KLHL10: variants seen among roughly 807,000 people sequenced by gnomAD.
The protein encoded by KLHL10 is kelch like family member 10, also known as kelch-like protein 10.
KLHL10 carries 11 observed loss-of-function variants against 46.6 expected under a neutral mutation model. That is an observed-to-expected ratio of 0.24 (90% CI 0.15 to 0.39). The LOEUF is 0.39. KLHL10 is among the 10% of genes least tolerant of loss of function. KLHL10 has a pLI of 1.00. For missense variants in KLHL10, 475 were observed against 789.8 expected, an observed-to-expected ratio of 0.60 and a Z score of 4.78; for synonymous variants, 254 against 279.1, an observed-to-expected ratio of 0.91 and a Z score of 0.90.
rs1356530048 is a variant in KLHL10 at position 41,838,136 on chromosome 17, G to C, written c.194+10G>C. 7.4e-6 allele frequency: 12 copies of C among 1,612,712 alleles called. No individual in the cohort carries two copies. The highest frequency in any genetic ancestry group is 9.3e-6 in the Non-Finnish European group (11 of 1,178,890). ...GCAGTTCCTACTTTAGGTATAACAGGGTTGCCAAATTCAGCCAAAGGGGTA... is the reference window on the plus strand; with the variant it reads ...GCAGTTCCTACTTTAGGTATAACAGCGTTGCCAAATTCAGCCAAAGGGGTA... On this transcript the variant is annotated intron_variant, in intron 1 of 4. Coordinates refer to ENST00000293303, the MANE Select transcript of KLHL10 (RefSeq NM_152467.5).
At chr17:41,840,156 A>AG (rs1322988362) in intron 1 of KLHL10, among the ~76,000 whole-genome samples, 2 of 152,192 alleles carry the variant, frequency 1.3e-5, no homozygotes, top group African/African-American at 4.8e-5. Flanking sequence ...CCAAATAGTA[A>AG]TTGTTTTAGG....
intron 3 of KLHL10, 73 bp from the exon 4 acceptor site, chr17:41,847,188 A>G: frequency 7.3e-7 from 1 of 1,367,530 alleles, no homozygotes; most frequent in South Asian, 1.2e-5. Context: ...AGTGCCCACT[A>G]CCACCACACA....
intron 4 of KLHL10, among the ~76,000 whole-genome samples, 177 bp from the exon 5 acceptor site, chr17:41,847,756 C>T (rs187815159): frequency 2.0e-5 from 3 of 152,338 alleles, no homozygotes; most frequent in East Asian, 3.9e-4. Context: ...CCACCCGCCT[C>T]GGCCTCCCAG....
upstream of KLHL10, chr17:41,836,111 T>TG: frequency 3.0e-6 from 4 of 1,332,276 alleles, no homozygotes; most frequent in Non-Finnish European, 3.8e-6. Context: ...GGTGACCAGC[T>TG]GGGGGGCTCG....
In KLHL10 at chr17:41,845,436, A is replaced by T; in HGVS notation, c.995A>T (p.His332Leu). Reference sequence around the variant, plus strand: ...GAGGAAGAGAGTCCCCGTGCCTACCATGGGGCAGCCTATTTGAAAGGCTAT... The same window carrying T: ...GAGGAAGAGAGTCCCCGTGCCTACCTTGGGGCAGCCTATTTGAAAGGCTAT... The part of the protein sequence containing the change: ...TCEEESPRAY[H>L]GAAYLKGYVY... Residue 332 changes from histidine (H) to leucine (L), a missense_variant, in exon 3 of 5, where the codon CAT (histidine) becomes CTT (leucine). By Grantham distance (99) the His-to-Leu change is moderately conservative. Transcript: ENST00000293303. 1.2e-6 allele frequency: 2 copies of T among 1,614,182 alleles called. No individual in the cohort carries two copies. The highest frequency in any genetic ancestry group is 1.7e-6 in the Non-Finnish European group (2 of 1,180,044).
Position 41,842,193 on chromosome 17 carries a change from A to G in KLHL10, c.565A>G (p.Ile189Val), listed in dbSNP as rs541818300. Reference sequence around the variant, plus strand: ...GCTCTCGGTCACTGAACTTAAGGATATCATTGAGAAAGATGAGCTCAATGT... The same window carrying G: ...GCTCTCGGTCACTGAACTTAAGGATGTCATTGAGAAAGATGAGCTCAATGT... ...LELSVTELKD[I>V]IEKDELNVKQ... Residue 189 changes from isoleucine to valine, a missense_variant, in exon 2 of 5, where the codon ATC (isoleucine) becomes GTC (valine). Transcript: ENST00000293303. The G allele has an allele frequency of 1.2e-5, 19 of 1,614,208 alleles. No homozygotes were observed. In the East Asian group the frequency reaches 3.6e-4, roughly 30 times the overall value.
chr17:41,847,987 G>A lies in KLHL10; in HGVS notation c.1507G>A (p.Val503Met), dbSNP rs2048307491. 4 of 1,614,104 alleles carry A rather than the reference G, an allele frequency of 2.5e-6. No homozygotes were observed. Among genetic ancestry groups the A allele is most frequent in the Non-Finnish European group, 3.4e-6 (4 of 1,180,050 alleles). ...RLRSAEAYSPVANTWRTIPTM... is the reference protein window; with the variant it reads ...RLRSAEAYSPMANTWRTIPTM... Reference sequence around the variant, plus strand: ...TAGGAGTGCCGAAGCCTACAGCCCTGTGGCTAACACTTGGCGCACAATCCC... The same window carrying A: ...TAGGAGTGCCGAAGCCTACAGCCCTATGGCTAACACTTGGCGCACAATCCC... Residue 503 changes from valine to methionine, a missense_variant, in exon 5 of 5, where the codon GTG (valine) becomes ATG (methionine). Val to Met is a conservative substitution (Grantham distance 21). Transcript: ENST00000293303.
rs782194151 is a variant in KLHL10, at chr17:41,841,863, G to T, written c.235G>T (p.Val79Leu). The change falls in exon 2 of 5, where the codon GTA (valine) becomes TTA (leucine). Residue 79 changes from valine to leucine, a missense_variant. Val to Leu is a conservative substitution (Grantham distance 32). Transcript: ENST00000293303. The stretch of plus-strand genomic sequence containing the variant: ...TGGCTGGAACAACACTGAAAAGAAG[G>T]TATACAACATCCCTGGCATTTCTCC... ...TSGWNNTEKK[V>L]YNIPGISPDM... 9.9e-6 allele frequency: 16 copies of T among 1,614,178 alleles called. No individual in the cohort carries two copies. Among genetic ancestry groups the T allele is most frequent in the East Asian group, 2.2e-5 (1 of 44,884 alleles).
At chr17:41,841,736 C>A in intron 1 of KLHL10, 87 bp from the exon 2 acceptor site, 1 of 1,510,926 alleles carries the variant, frequency 6.6e-7, no homozygotes, top group Non-Finnish European at 9.2e-7. Flanking sequence ...CACATGCCTG[C>A]ACCCCACTTT....
upstream of KLHL10, chr17:41,836,126 G>A: frequency 7.6e-7 from 1 of 1,323,514 alleles, no homozygotes; most frequent in East Asian, 3.1e-5. Context: ...GGCTCGAAGC[G>A]CCCCGGGGGT....
intron 4 of KLHL10, among the ~76,000 whole-genome samples, chr17:41,847,667 A>T (rs2048303964): frequency 6.6e-6 from 1 of 151,972 alleles, no homozygotes; most frequent in Non-Finnish European, 1.5e-5. Flanking sequence ...CACCATGCCC[A>T]GCTAATTTTT....
intron 2 of KLHL10, among the ~76,000 whole-genome samples, chr17:41,844,252 T>A (rs1178054611): frequency 6.9e-6 from 1 of 144,648 alleles, no homozygotes; most frequent in Admixed American, 6.9e-5. Context: ...TTTTTTTGAG[T>A]TGGAGTCTAG....
rs1240229019 is a variant in KLHL10, at chr17:41,845,327, A to G, written c.886A>G (p.Ile296Val). 27 of 1,614,186 alleles carry G rather than the reference A, an allele frequency of 1.7e-5. No homozygotes were observed. Among genetic ancestry groups the G allele is most frequent in the Non-Finnish European group, 2.3e-5 (27 of 1,180,028 alleles). The change falls in exon 3 of 5, where the codon ATT (isoleucine) becomes GTT (valine). Residue 296 changes from isoleucine to valine, a missense_variant. Ile to Val is a conservative substitution (Grantham distance 29, BLOSUM62 3). Transcript: ENST00000293303. ...PRLPYAILFA[I>V]GGWSGGSPTN... ...CTTGCCCTATGCCATCCTCTTTGCA[A>G]TTGGTGGCTGGAGTGGTGGGAGCCC...
upstream of KLHL10, chr17:41,836,134 G>A (rs1391318575): frequency 9.1e-6 from 12 of 1,321,596 alleles, no homozygotes; most frequent in Non-Finnish European, 1.2e-5. Flanking sequence ...GCGCCCCGGG[G>A]GTCGGAGTCC....
rs1555621555 is a variant in KLHL10 at position 41,847,312 on chromosome 17, G to C, written c.1354G>C (p.Val452Leu). Residue 452 changes from valine (V) to leucine (L), a missense_variant, in exon 4 of 5, where the codon GTG becomes CTG. By Grantham distance (32) the Val-to-Leu change is conservative. Coordinates refer to ENST00000293303, the MANE Select transcript of KLHL10 (RefSeq NM_152467.5). The stretch of plus-strand genomic sequence containing the variant: ...AAACGAGTGCCTGTTCACAGCAGAA[G>C]TGTATAACACTGAAAGTAATCAGTG... The part of the protein sequence containing the change: ...NGNECLFTAE[V>L]YNTESNQWTV... 1 of 1,613,878 alleles carries C rather than the reference G, an allele frequency of 6.2e-7. No homozygotes were observed. The highest frequency in any genetic ancestry group is 2.2e-5 in the East Asian group (1 of 44,874).
In KLHL10 at chr17:41,838,196, C is replaced by A. The variant is rs190280514; in HGVS notation, c.194+70C>A. ...ATTTTGAGACACTTTGATCCATTTTCTGTTTCCCACCCCATCACCTTAACT... is the reference window on the plus strand; with the variant it reads ...ATTTTGAGACACTTTGATCCATTTTATGTTTCCCACCCCATCACCTTAACT... On this transcript the variant is annotated intron_variant, in intron 1 of 4. Transcript: ENST00000293303. The A allele has an allele frequency of 4.3e-5, 55 of 1,287,844 alleles. No homozygotes were observed. In the Middle Eastern group the frequency reaches 9.2e-4, roughly 22 times the overall value. 79.8% of individuals were successfully genotyped at this position (1,287,844 alleles called of 1,614,324 possible).
intron 1 of KLHL10, among the ~76,000 whole-genome samples, chr17:41,839,416 G>C (rs2048204601): frequency 1.3e-5 from 2 of 152,166 alleles, no homozygotes; most frequent in African/African-American, 4.8e-5. Context: ...AGATGACAAT[G>C]CCACTTCAGG....
At chr17:41,839,885 C>CT (rs60235732) in intron 1 of KLHL10, among the ~76,000 whole-genome samples, 108,956 of 144,638 alleles carry the variant, frequency 0.75, 40,876 homozygotes, top group Admixed American at 0.84. Context: ...GCTAATTTTT[C>CT]TTTTTTTTTT....
chr17:41,848,367 A>T lies in KLHL10; in HGVS notation c.*60A>T. 6.4e-7 allele frequency: 1 copy of T among 1,559,382 alleles called. No individual in the cohort carries two copies. The highest frequency in any genetic ancestry group is 8.7e-7 in the Non-Finnish European group (1 of 1,151,836). ...TAAGAATTAATTCTTTTTTTAAAAA[A>T]ATGCAGTGTTTAAACTTTGAAGAGT... On this transcript the variant is annotated 3_prime_UTR_variant, in exon 5 of 5. Transcript: ENST00000293303.
Sources: gnomAD v4.1 joint callset for allele counts (sites outside exome capture counted in the v4.1 genomes callset) on GRCh38, gnomAD v4.1.1 for gene constraint, MANE v1.5 for transcripts, NCBI Gene and HGNC (gene_info 2026-07-23, HGNC 2026-07-21) for gene names.